Variants in UGT1A6 observed in about 807,000 individuals in gnomAD.
The protein encoded by UGT1A6 is UDP-glucuronosyltransferase 1A6.
UGT1A6 carries 32 observed loss-of-function variants against 44.4 expected under a neutral mutation model. The ratio of observed to expected loss-of-function variants is 0.72; its 90% CI spans 0.54 to 0.97. The LOEUF (loss-of-function observed/expected upper bound fraction) is 0.97. Ranked by LOEUF, UGT1A6 falls within the 50% of genes least tolerant of loss-of-function variation. The pLI is 0.00. For missense variants in UGT1A6, 685 were observed against 661.9 expected, an observed-to-expected ratio of 1.03 and a Z score of -0.38; for synonymous variants, 238 against 248.5, an observed-to-expected ratio of 0.96 and a Z score of 0.40.
intron 1 of UGT1A6, chr2:233,718,970 G>T (rs45510694): frequency 4.3e-6 from 7 of 1,614,194 alleles, no homozygotes; most frequent in Non-Finnish European, 5.9e-6. Flanking sequence ...CCTTGCGGGA[G>T]CTCCATGCCA....
At chr2:233,694,411 A>G (rs193114537) in intron 1 of UGT1A6, among the ~76,000 whole-genome samples, 1 of 152,274 alleles carries the variant, frequency 6.6e-6, no homozygotes, top group Admixed American at 6.5e-5. Context: ...GTGCCACAGA[A>G]GTATTTGGTC....
At chr2:233,716,775 G>C (rs1050671351) in intron 1 of UGT1A6, among the ~76,000 whole-genome samples, 4 of 152,178 alleles carry the variant, frequency 2.6e-5, no homozygotes, top group African/African-American at 9.7e-5. Flanking sequence ...CTCAGGTCAG[G>C]CTTTCGGGAT....
intron 1 of UGT1A6, chr2:233,747,285 C>T: frequency 6.2e-7 from 1 of 1,601,074 alleles, no homozygotes. Flanking sequence ...GTGCCCAGCC[C>T]TGGGCTGAGA....
intron 1 of UGT1A6, chr2:233,719,281 T>A (rs773168968): frequency 6.2e-7 from 1 of 1,614,134 alleles, no homozygotes; most frequent in Admixed American, 1.7e-5. Flanking sequence ...ACAGACCCCG[T>A]TAACCTCTGT....
At chr2:233,715,581 G>T (rs2076458979) in intron 1 of UGT1A6, among the ~76,000 whole-genome samples, 4 of 152,084 alleles carry the variant, frequency 2.6e-5, no homozygotes, top group Middle Eastern at 6.8e-3. Flanking sequence ...AGAGCAGCCT[G>T]GGCAACATGC....
chr2:233,718,957 A>T, intron 1 of UGT1A6: 1 of 1,614,184 alleles, frequency 6.2e-7, no homozygotes, highest in South Asian at 1.1e-5. Context: ...AGCATGCGGG[A>T]GGCCTTGCGG....
rs1430116082 is a variant in UGT1A6 at position 233,769,294 on chromosome 2, T to A, written c.1301+855T>A. ...AGGGCAAATGATTTCTGGATTAAAGTTAGTATATTACTGTCAAGCTCACTG... is the reference window on the plus strand; with the variant it reads ...AGGGCAAATGATTTCTGGATTAAAGATAGTATATTACTGTCAAGCTCACTG... On this transcript the variant is annotated intron_variant, in intron 4 of 4. Coordinates refer to ENST00000305139, the MANE Select transcript of UGT1A6 (RefSeq NM_001072.4). This position sits in a 1 kb window ranked among gnomAD's most constrained non-coding sequence, Gnocchi z 4.4. Among the ~76,000 whole-genome samples, 2 of 152,234 alleles carry A rather than the reference T, an allele frequency of 1.3e-5. No homozygotes were observed. The highest frequency in any genetic ancestry group is 4.8e-5 in the African/African-American group (2 of 41,454).
chr2:233,768,295 C>A lies in UGT1A6; in HGVS notation c.1157C>A (p.Pro386His). 1.9e-6 allele frequency: 3 copies of A among 1,614,158 alleles called. No individual in the cohort carries two copies. Among genetic ancestry groups the A allele is most frequent in the South Asian group, 2.2e-5 (2 of 91,082 alleles). ...GVYESICNGV[P>H]MVMMPLFGDQ... The stretch of plus-strand genomic sequence containing the variant: ...TATGAAAGCATATGCAATGGCGTTC[C>A]CATGGTGATGATGCCCTTGTTTGGT... Residue 386 changes from proline (P) to histidine (H), a missense_variant, in exon 4 of 5, where the codon CCC (proline) becomes CAC (histidine). Coordinates refer to ENST00000305139, the MANE Select transcript of UGT1A6 (RefSeq NM_001072.4).
At chr2:233,768,945 T>C (rs1365506143) in intron 4 of UGT1A6, among the ~76,000 whole-genome samples, 1 of 152,204 alleles carries the variant, frequency 6.6e-6, no homozygotes, top group Admixed American at 6.5e-5. Context: ...TTCTTTAGTT[T>C]CTATATAATT....
chr2:233,740,547 G>A (rs1575636319), intron 1 of UGT1A6: 1 of 151,824 alleles, frequency 6.6e-6, no homozygotes, highest in African/African-American at 2.4e-5. Flanking sequence ...ACTCCAGCCA[G>A]AAAAAATGTC....
At chr2:233,748,608 C>T (rs1265158966) in intron 1 of UGT1A6, among the ~76,000 whole-genome samples, 3 of 151,644 alleles carry the variant, frequency 2.0e-5, no homozygotes, top group African/African-American at 4.9e-5. Flanking sequence ...AGTAGAGCAA[C>T]GAACGTGGGA....
chr2:233,735,768 A>T (rs1170033276), intron 1 of UGT1A6, among the ~76,000 whole-genome samples: 1 of 152,144 alleles, frequency 6.6e-6, no homozygotes, highest in Non-Finnish European at 1.5e-5. Flanking sequence ...TTCACTTATG[A>T]AGCTTACTTT....
intron 1 of UGT1A6, chr2:233,754,902 A>G: frequency 7.4e-7 from 1 of 1,352,320 alleles, no homozygotes. Flanking sequence ...CTGACCCCCC[A>G]AAATATTCTC....
intron 1 of UGT1A6, among the ~76,000 whole-genome samples, chr2:233,751,390 T>C (rs1694715648): frequency 6.6e-6 from 1 of 152,170 alleles, no homozygotes; most frequent in Non-Finnish European, 1.5e-5. Flanking sequence ...TTGTCTCAGA[T>C]AAGACTTTGG....
At chr2:233,714,555 A>G (rs28899184) in intron 1 of UGT1A6, among the ~76,000 whole-genome samples, 1 of 152,254 alleles carries the variant, frequency 6.6e-6, no homozygotes, top group Non-Finnish European at 1.5e-5. Context: ...TCCAATAGAA[A>G]TATCATGTAA....
intron 1 of UGT1A6, chr2:233,743,801 T>C (rs1692515723): frequency 1.5e-6 from 2 of 1,367,278 alleles, no homozygotes; most frequent in Non-Finnish European, 2.0e-6. Context: ...CGCTTCCTCC[T>C]TGTTCTCAGG....
At position 233,729,652 on chromosome 2, in the gene UGT1A6, A is replaced by G. The variant is rs573544269; in HGVS notation, c.861+35787A>G. On this transcript the variant is annotated intron_variant, in intron 1 of 4. Transcript: ENST00000305139. ...TCCTACTGTGTTTTTTTTGAGGAAC[A>G]TTCCATGTGATTTAGACTTTAAGGG... 5 of 1,613,890 alleles carry G rather than the reference A, an allele frequency of 3.1e-6. No individual in the cohort carries two copies. The African/African-American group carries it at 6.7e-5, about 22-fold the overall frequency.
At position 233,754,728 on chromosome 2, in the gene UGT1A6, C is replaced by CT. The variant is rs1413290062; in HGVS notation, c.862-12305dup. ...GGACTTGAAGCTGCCTGTCCCATCACTACCGTAGGACATGCAGAAGGAAGA... is the reference window on the plus strand; with the variant it reads ...GGACTTGAAGCTGCCTGTCCCATCACTTACCGTAGGACATGCAGAAGGAAGA... On this transcript the variant is annotated intron_variant, in intron 1 of 4. Transcript: ENST00000305139. 1.8e-5 allele frequency: 11 copies of CT among 620,812 alleles called. No individual in the cohort carries two copies. In the African/African-American group the frequency reaches 2.1e-4, roughly 12 times the overall value. 38.5% of individuals were successfully genotyped at this position (620,812 alleles called of 1,614,324 possible). A position where few individuals can be genotyped will look rare whatever the true frequency, so the allele number is the denominator to read the frequency against.
At chr2:233,729,400 C>T in intron 1 of UGT1A6, 2 of 1,613,754 alleles carry the variant, frequency 1.2e-6, no homozygotes, top group South Asian at 2.2e-5. Context: ...ATTTGATCGC[C>T]ATGTGCTGGG....
Sources: gnomAD v4.1 joint callset for allele counts (sites outside exome capture counted in the v4.1 genomes callset) on GRCh38, gnomAD v4.1.1 for gene constraint, Gnocchi (gnomAD v3.1) non-coding constraint, MANE v1.5 for transcripts, NCBI Gene and HGNC (gene_info 2026-07-23, HGNC 2026-07-21) for gene names.